Variants in PAPPA observed in about 807,000 individuals in gnomAD.
The protein encoded by PAPPA is pappalysin-1.
In PAPPA, 60 loss-of-function variants were observed where a neutral mutation model predicts 164.0. The observed-to-expected ratio is 0.37, with a 90% CI of 0.30 to 0.45. The LOEUF (loss-of-function observed/expected upper bound fraction) is 0.45, where lower values mean the gene tolerates loss of function less well. Among genes scored for constraint, PAPPA ranks in the 20% least tolerant of loss-of-function variants. The pLI is 1.00. For missense variants in PAPPA, 1,782 were observed against 2,087.3 expected (o/e 0.85, Z 2.85); for synonymous variants, 875 against 814.1 (o/e 1.07, Z -1.27).
intron 10 of PAPPA, among the ~76,000 whole-genome samples, chr9:116,314,675 C>G (rs1006778484): frequency 6.6e-6 from 1 of 152,168 alleles, no homozygotes; most frequent in African/African-American, 2.4e-5. Context: ...GCAGTATGGA[C>G]CAACTTGCAA....
intron 7 of PAPPA, among the ~76,000 whole-genome samples, chr9:116,250,011 ATATG>A (rs898362576): frequency 3.1e-5 from 4 of 129,406 alleles, no homozygotes; most frequent in African/African-American, 8.7e-5. Flanking sequence ...GAGTACCTGC[ATATG>A]TGTGTGTGTG....
At chr9:116,228,299 C>A (rs977061598) in intron 6 of PAPPA, among the ~76,000 whole-genome samples, 1 of 151,900 alleles carries the variant, frequency 6.6e-6, no homozygotes, top group Non-Finnish European at 1.5e-5. Context: ...TCATCTCCCC[C>A]TCCCTGGTAC....
At chr9:116,157,794 C>A (rs1843621095) in intron 1 of PAPPA, among the ~76,000 whole-genome samples, 1 of 152,130 alleles carries the variant, frequency 6.6e-6, no homozygotes, top group Non-Finnish European at 1.5e-5. Context: ...TTTGGGCTCC[C>A]TTTCAAGTCA....
In PAPPA at chr9:116,211,587, A is replaced by G. The variant is rs2118684877; in HGVS notation, c.1625-52A>G. 7 of 1,536,956 alleles carry G rather than the reference A, an allele frequency of 4.6e-6. 1 individual carries two copies. The South Asian group carries it at 8.1e-5, about 18-fold the overall frequency. ...CCTTGATGGACTTGGGGGTTCTTGC[A>G]CCAAGAAGCAGAGTACCTAGTTTGC... On this transcript the variant is annotated intron_variant, in intron 3 of 21. Transcript: ENST00000328252.
At chr9:116,161,713 A>AT (rs1001603803) in intron 1 of PAPPA, among the ~76,000 whole-genome samples, 1 of 151,920 alleles carries the variant, frequency 6.6e-6, no homozygotes, top group African/African-American at 2.4e-5. Context: ...GCTCCAGAAA[A>AT]AAAAAAAAAA....
At chr9:116,353,873 C>A in intron 17 of PAPPA, 80 bp downstream of exon 17, 1 of 995,918 alleles carries the variant, frequency 1.0e-6, no homozygotes, top group Non-Finnish European at 1.5e-6. Flanking sequence ...ACTTCAGGAA[C>A]CACTTTCTGC....
intron 2 of PAPPA, 113 bp from the exon 3 acceptor site, chr9:116,207,343 T>G: frequency 2.6e-6 from 2 of 768,446 alleles, no homozygotes; most frequent in Non-Finnish European, 4.1e-6. Context: ...AAGGTAGTAT[T>G]TTTAAAGTGC....
chr9:116,198,684 T>C, intron 2 of PAPPA, among the ~76,000 whole-genome samples: 1 of 152,196 alleles, frequency 6.6e-6, no homozygotes. Flanking sequence ...GTTAACCTAG[T>C]GAGTGTAGCT....
intron 9 of PAPPA, 72 bp from the exon 10 acceptor site, chr9:116,302,685 C>T (rs1587994546): frequency 3.1e-6 from 4 of 1,273,320 alleles, no homozygotes; most frequent in East Asian, 2.3e-5. Flanking sequence ...GACTCTGCAG[C>T]TGCTGATGAT....
intron 9 of PAPPA, among the ~76,000 whole-genome samples, chr9:116,279,311 G>A (rs760885688): frequency 3.6e-4 from 54 of 152,098 alleles, no homozygotes; most frequent in Non-Finnish European, 6.9e-4. Flanking sequence ...GCTGACGTGC[G>A]GGCAGCACCA....
At chr9:116,156,296 A>ATATACATG (rs1843601333) in intron 1 of PAPPA, among the ~76,000 whole-genome samples, 3 of 144,698 alleles carry the variant, frequency 2.1e-5, no homozygotes, top group African/African-American at 7.5e-5. Context: ...GTGTATATAT[A>ATATACATG]TATATACATG....
chr9:116,253,758 T>A (rs1244748678), intron 7 of PAPPA, among the ~76,000 whole-genome samples: 1 of 152,180 alleles, frequency 6.6e-6, no homozygotes, highest in Non-Finnish European at 1.5e-5. Flanking sequence ...AGAAGACTAA[T>A]CACAGCTCCA....
At position 116,398,556 on chromosome 9, in the gene PAPPA, G is replaced by C; in HGVS notation, c.*1940G>C. Reference sequence around the variant, plus strand: ...TATCACTCCCAATAGCACTGACCTGGTGATCAAAAACACTTGAGAAGACAT... The same window carrying C: ...TATCACTCCCAATAGCACTGACCTGCTGATCAAAAACACTTGAGAAGACAT... On this transcript the variant is annotated 3_prime_UTR_variant, in exon 22 of 22. Coordinates refer to ENST00000328252, the MANE Select transcript of PAPPA (RefSeq NM_002581.5). 7.8e-7 allele frequency: 1 copy of C among 1,283,690 alleles called. No individual in the cohort carries two copies. 79.5% of individuals were successfully genotyped at this position (1,283,690 alleles called of 1,614,324 possible).
chr9:116,182,623 A>G (rs1843920379), intron 1 of PAPPA, among the ~76,000 whole-genome samples: 1 of 152,164 alleles, frequency 6.6e-6, no homozygotes, highest in Non-Finnish European at 1.5e-5. Context: ...CAAGGTTCTG[A>G]GAGACTCTTT....
intron 7 of PAPPA, among the ~76,000 whole-genome samples, chr9:116,250,011 A>ATGTG (rs1491402770): frequency 2.3e-5 from 3 of 129,406 alleles, no homozygotes; most frequent in Admixed American, 7.7e-5. Flanking sequence ...GAGTACCTGC[A>ATGTG]TATGTGTGTG....
intron 20 of PAPPA, among the ~76,000 whole-genome samples, chr9:116,377,987 A>T (rs1846677944): frequency 1.3e-5 from 2 of 152,162 alleles, no homozygotes; most frequent in Non-Finnish European, 2.9e-5. Flanking sequence ...AGAATATGCT[A>T]ATGTTGGAAA....
intron 19 of PAPPA, among the ~76,000 whole-genome samples, chr9:116,377,201 C>A (rs1846665847): frequency 1.3e-5 from 2 of 149,678 alleles, no homozygotes; most frequent in Admixed American, 6.6e-5. Context: ...CATGCAAACA[C>A]ACACATGCGC....
At chr9:116,227,859 C>T (rs1028470816) in intron 6 of PAPPA, among the ~76,000 whole-genome samples, 2 of 152,162 alleles carry the variant, frequency 1.3e-5, no homozygotes, top group African/African-American at 2.4e-5. Context: ...ATATATCCTT[C>T]AGACCCCAAC....
At chr9:116,168,191 A>C (rs1439180823) in intron 1 of PAPPA, among the ~76,000 whole-genome samples, 1 of 152,214 alleles carries the variant, frequency 6.6e-6, no homozygotes, top group Non-Finnish European at 1.5e-5. Flanking sequence ...TTAAGATTCA[A>C]TGAGAAATGA....
Sources: allele counts gnomAD v4.1 joint callset (sites outside exome capture counted in the v4.1 genomes callset), GRCh38; gene constraint gnomAD v4.1.1; transcripts MANE v1.5; gene names NCBI Gene and HGNC (gene_info 2026-07-23, HGNC 2026-07-21).